Variants in ZNF718 observed in about 807,000 individuals in gnomAD.
ZNF718 encodes zinc finger protein 718.
In ZNF718, 3 loss-of-function variants were observed where a neutral mutation model predicts 2.6. The ratio of observed to expected loss-of-function variants is 1.16; its 90% CI spans 0.53 to 3.01. The LOEUF (loss-of-function observed/expected upper bound fraction) is 3.01. ZNF718 is among the 30% of genes most tolerant of loss of function. ZNF718 has a pLI of 0.03. For synonymous variants in ZNF718, 135 were observed against 77.9 expected, an observed-to-expected ratio of 1.73 and a Z score of -3.86; for missense variants, 468 against 230.0, an observed-to-expected ratio of 2.03 and a Z score of -6.69.
chr4:135,742 G>GTATA (rs1715540565), intron 3 of ZNF718, among the ~76,000 whole-genome samples: 1 of 57,382 alleles, frequency 1.7e-5, no homozygotes, highest in African/African-American at 6.4e-5. Flanking sequence ...TTATATATAT[G>GTATA]TGCATGATTA....
chr4:195,760 G>A (rs959676927), intron 3 of ZNF718, among the ~76,000 whole-genome samples: 3 of 152,042 alleles, frequency 2.0e-5, no homozygotes, highest in South Asian at 2.1e-4. Flanking sequence ...GGAAGTCTAC[G>A]GGCTGTCAGT....
chr4:158,714 TTG>T (rs1458580108), intron 3 of ZNF718, among the ~76,000 whole-genome samples: 2 of 151,828 alleles, frequency 1.3e-5, no homozygotes, highest in African/African-American at 4.9e-5. Context: ...AGGGGTTTTT[TTG>T]TTTGCTTTTA....
chr4:141,338 A>G (rs1715804007), intron 3 of ZNF718, among the ~76,000 whole-genome samples: 1 of 152,238 alleles, frequency 6.6e-6, no homozygotes, highest in Admixed American at 6.5e-5. Flanking sequence ...TTAAACCCTG[A>G]TAAAGAATTG....
chr4:176,408 C>T (rs1240592162), intron 3 of ZNF718, among the ~76,000 whole-genome samples: 3 of 152,116 alleles, frequency 2.0e-5, no homozygotes, highest in Admixed American at 1.3e-4. Context: ...CCTTGTTCTC[C>T]CCTGTAACCC....
chr4:195,524 C>T (rs1717773453), intron 3 of ZNF718, among the ~76,000 whole-genome samples: 1 of 151,758 alleles, frequency 6.6e-6, no homozygotes, highest in African/African-American at 2.4e-5. Flanking sequence ...TGTTAAATCA[C>T]CTTTTTCTAA....
chr4:183,627 C>A (rs1379463327), intron 3 of ZNF718, among the ~76,000 whole-genome samples: 1 of 152,100 alleles, frequency 6.6e-6, no homozygotes, highest in African/African-American at 2.4e-5. Context: ...ATTGATTCTT[C>A]CTAGGTATGG....
intron 3 of ZNF718, among the ~76,000 whole-genome samples, chr4:141,074 C>T (rs1458055167): frequency 6.6e-6 from 1 of 152,050 alleles, no homozygotes; most frequent in Non-Finnish European, 1.5e-5. Context: ...TGTCCATATC[C>T]ATTAGTTCAG....
At chr4:132,262 A>G (rs1715368802) in intron 3 of ZNF718, among the ~76,000 whole-genome samples, 1 of 103,916 alleles carries the variant, frequency 9.6e-6, no homozygotes, top group Non-Finnish European at 2.1e-5. Flanking sequence ...GCTCTGTGAC[A>G]AAGAAAATAA....
intron 3 of ZNF718, among the ~76,000 whole-genome samples, chr4:193,911 A>G (rs1052549499): frequency 6.6e-6 from 1 of 152,258 alleles, no homozygotes; most frequent in African/African-American, 2.4e-5. Context: ...AAGGGGGTGG[A>G]TTATTTCTAT....
chr4:145,519 C>T (rs1553811065), intron 3 of ZNF718, among the ~76,000 whole-genome samples: 1 of 152,128 alleles, frequency 6.6e-6, no homozygotes, highest in Non-Finnish European at 1.5e-5. Context: ...GGCTGAAGTG[C>T]AGTACATTCA....
downstream of ZNF718, among the ~76,000 whole-genome samples, chr4:166,170 G>C (rs1717082769): frequency 6.6e-6 from 1 of 152,276 alleles, no homozygotes; most frequent in East Asian, 1.9e-4. Flanking sequence ...TCCCTACAAA[G>C]GACATGAACT....
chr4:187,643 C>T (rs1717595610), intron 3 of ZNF718, among the ~76,000 whole-genome samples: 1 of 152,142 alleles, frequency 6.6e-6, no homozygotes, highest in Admixed American at 6.5e-5. Flanking sequence ...GGGTACTGAC[C>T]TGTTGACTGC....
chr4:172,959 C>T (rs961967169), intron 3 of ZNF718, among the ~76,000 whole-genome samples: 11 of 152,116 alleles, frequency 7.2e-5, no homozygotes, highest in South Asian at 2.1e-4. Flanking sequence ...GCAGGAGAAT[C>T]GCTTGAACCT....
intron 3 of ZNF718, among the ~76,000 whole-genome samples, chr4:154,748 G>A (rs1050484465): frequency 3.3e-5 from 5 of 152,224 alleles, no homozygotes; most frequent in Non-Finnish European, 1.5e-5. Context: ...GCCTGATGAT[G>A]TGATAGACAA....
intron 3 of ZNF718, among the ~76,000 whole-genome samples, chr4:182,887 A>C (rs1717496303): frequency 6.6e-6 from 1 of 152,054 alleles, no homozygotes; most frequent in African/African-American, 2.4e-5. Flanking sequence ...AGCTTTTTAT[A>C]GGTGCTGGAT....
intron 3 of ZNF718, among the ~76,000 whole-genome samples, chr4:197,233 C>G (rs1279370765): frequency 1.3e-5 from 2 of 152,020 alleles, no homozygotes; most frequent in African/African-American, 2.4e-5. Context: ...ATAAAACACT[C>G]TAGAGTTTAC....
chr4:133,566 TAA>T (rs1279516351), intron 3 of ZNF718, among the ~76,000 whole-genome samples: 1 of 152,212 alleles, frequency 6.6e-6, no homozygotes, highest in Non-Finnish European at 1.5e-5. Flanking sequence ...CATACCTATA[TAA>T]GTTATATATG....
At position 161,278 on chromosome 4, in the gene ZNF718, C is replaced by T. The variant is rs782364130; in HGVS notation, c.593C>T (p.Pro198Leu). Residue 198 changes from proline to leucine, a missense_variant, in exon 4 of 4, where the codon CCC becomes CTC. Coordinates refer to ENST00000510175, the MANE Select transcript of ZNF718 (RefSeq NM_001039127.6). ...AAAAGAATTCATACTGGAGAGAACC[C>T]CTACACATGTGAAGAATGTGGCAAA... ...QHKRIHTGENPYTCEECGKAF... is the reference protein window; with the variant it reads ...QHKRIHTGENLYTCEECGKAF... The T allele has an allele frequency of 2.6e-6, 2 of 781,984 alleles. No homozygotes were observed. The highest frequency in any genetic ancestry group is 1.7e-5 in the Admixed American group (1 of 58,808). 48.4% of individuals were successfully genotyped at this position (781,984 alleles called of 1,614,324 possible). A position where few individuals can be genotyped will look rare whatever the true frequency, so the allele number is the denominator to read the frequency against.
At chr4:200,825 T>C (rs1262685272) in intron 3 of ZNF718, among the ~76,000 whole-genome samples, 2 of 152,214 alleles carry the variant, frequency 1.3e-5, no homozygotes, top group Non-Finnish European at 2.9e-5. Flanking sequence ...TATTTAATGC[T>C]GCAAGTTTAC....
Sources: gnomAD v4.1 joint callset for allele counts (sites outside exome capture counted in the v4.1 genomes callset) on GRCh38, gnomAD v4.1.1 for gene constraint, MANE v1.5 for transcripts, NCBI Gene and HGNC (gene_info 2026-07-23, HGNC 2026-07-21) for gene names.